The following RPH3A variants were observed in gnomAD, a reference collection of about 807,000 sequenced individuals.
RPH3A encodes the protein rabphilin 3A.
RPH3A carries 48 observed loss-of-function variants against 102.2 expected under a neutral mutation model. The ratio of observed to expected loss-of-function variants is 0.47; its 90% CI spans 0.37 to 0.60. The LOEUF is 0.60. Ranked by LOEUF, RPH3A falls within the 20% of genes least tolerant of loss-of-function variation. The pLI is 0.00. For synonymous variants in RPH3A, 310 were observed against 324.3 expected (o/e 0.96, Z 0.47); for missense variants, 781 against 910.1 (o/e 0.86, Z 1.83).
intron 2 of RPH3A, among the ~76,000 whole-genome samples, chr12:112,824,846 C>T (rs1283589175): frequency 2.0e-5 from 3 of 152,072 alleles, no homozygotes; most frequent in Admixed American, 6.5e-5. Flanking sequence ...AAGGAGAGTG[C>T]GAGCAGGCCA....
chr12:112,613,753 G>A (rs2039656634), intron 1 of RPH3A, among the ~76,000 whole-genome samples: 1 of 152,188 alleles, frequency 6.6e-6, no homozygotes, highest in South Asian at 2.1e-4. Flanking sequence ...TTCAAGACCA[G>A]GCTGGACAAC....
At chr12:112,791,556 C>A (rs949020780), upstream of RPH3A, 1 of 151,974 alleles carries the variant, frequency 6.6e-6, no homozygotes, top group African/African-American at 2.4e-5. Flanking sequence ...TTAGCGCTGT[C>A]CGTGGTGCTG....
chr12:112,713,102 T>TC (rs575141531), intron 1 of RPH3A, among the ~76,000 whole-genome samples: 40 of 135,596 alleles, frequency 2.9e-4, no homozygotes, highest in East Asian at 1.4e-3. Flanking sequence ...TTCTTCTTCT[T>TC]TTATTTTTTT....
At chr12:112,661,930 CAGCT>C (rs2040051538) in intron 1 of RPH3A, among the ~76,000 whole-genome samples, 1 of 152,126 alleles carries the variant, frequency 6.6e-6, no homozygotes, top group African/African-American at 2.4e-5. Flanking sequence ...ACCTGAGGTG[CAGCT>C]GTACACCTGA....
At chr12:112,723,827 G>C (rs1396980261) in intron 1 of RPH3A, among the ~76,000 whole-genome samples, 5 of 152,304 alleles carry the variant, frequency 3.3e-5, no homozygotes, top group African/African-American at 9.6e-5. Flanking sequence ...ATGGACGACA[G>C]TTAATGTTAT....
chr12:112,808,056 T>C (rs1049273516), intron 2 of RPH3A, among the ~76,000 whole-genome samples: 5 of 152,130 alleles, frequency 3.3e-5, no homozygotes, highest in Non-Finnish European at 7.4e-5. Flanking sequence ...GTTGGATAAA[T>C]AAACACTAAC....
At chr12:112,661,144 G>A (rs982258936) in intron 1 of RPH3A, among the ~76,000 whole-genome samples, 14 of 152,088 alleles carry the variant, frequency 9.2e-5, no homozygotes, top group African/African-American at 3.1e-4. Flanking sequence ...ATACACTCTC[G>A]GGTCCCTGAG....
At chr12:112,703,374 A>G (rs1178577600) in intron 1 of RPH3A, among the ~76,000 whole-genome samples, 1 of 152,230 alleles carries the variant, frequency 6.6e-6, no homozygotes, top group African/African-American at 2.4e-5. Flanking sequence ...GAGCATTGTA[A>G]AATAGACTTT....
At chr12:112,758,381 C>T (rs1281991522) in intron 1 of RPH3A, among the ~76,000 whole-genome samples, 1 of 152,172 alleles carries the variant, frequency 6.6e-6, no homozygotes. Flanking sequence ...TTCTAGAGAA[C>T]CTCTGTTAAG....
chr12:112,829,273 T>C (rs926491882), intron 3 of RPH3A, among the ~76,000 whole-genome samples: 4 of 152,082 alleles, frequency 2.6e-5, no homozygotes, highest in African/African-American at 9.7e-5. Flanking sequence ...AAGGCTTTTT[T>C]TTTTTCTTTT....
chr12:112,699,431 G>A (rs2040375979), intron 1 of RPH3A, among the ~76,000 whole-genome samples: 1 of 152,190 alleles, frequency 6.6e-6, no homozygotes, highest in South Asian at 2.1e-4. Context: ...ATTCATCCAT[G>A]GGAATGCTAC....
At chr12:112,595,143 G>A (rs1027935717) in intron 1 of RPH3A, among the ~76,000 whole-genome samples, 5 of 125,848 alleles carry the variant, frequency 4.0e-5, no homozygotes, top group African/African-American at 6.9e-5. Flanking sequence ...TTTCTCACCT[G>A]TAAAATAAGG....
intron 1 of RPH3A, among the ~76,000 whole-genome samples, chr12:112,667,974 A>G (rs1369623520): frequency 6.6e-6 from 1 of 152,206 alleles, no homozygotes; most frequent in Non-Finnish European, 1.5e-5. Flanking sequence ...AGTTAAGCCC[A>G]CTATGTTCTT....
intron 1 of RPH3A, among the ~76,000 whole-genome samples, chr12:112,636,356 C>A (rs948759349): frequency 6.6e-6 from 1 of 152,224 alleles, no homozygotes. Flanking sequence ...GGAGGGCTAA[C>A]AATGCAATGT....
rs1482387251 is a variant in RPH3A at position 112,686,404 on chromosome 12, G to A, written c.-139-105739G>A. Among the ~76,000 whole-genome samples the A allele has an allele frequency of 2.0e-5, 3 of 152,136 alleles. No homozygotes were observed. The East Asian group carries it at 5.8e-4, about 29-fold the overall frequency. ...GTCTATTTATTCATTTATTTATTCA[G>A]TCAGGGTCATCCATGTGGCTTGCTT... On this transcript the variant is annotated intron_variant, in intron 1 of 21. Transcript: ENST00000543106.
chr12:112,744,617 C>A (rs970478162), intron 1 of RPH3A, among the ~76,000 whole-genome samples: 1 of 152,080 alleles, frequency 6.6e-6, no homozygotes, highest in African/African-American at 2.4e-5. Context: ...TCAGGCCTTG[C>A]AGGGGGTCAT....
chr12:112,712,985 TCG>T lies in RPH3A; in HGVS notation c.-139-79157_-139-79156del, dbSNP rs1420966119. On this transcript the variant is annotated intron_variant, in intron 1 of 21. Transcript: ENST00000543106. ...CTTCTTTCTTCTTCTTTCTTCTTCGTCGTCTTTGTCTTCCTCTTCCTCTTCCT... is the reference window on the plus strand; with the variant it reads ...CTTCTTTCTTCTTCTTTCTTCTTCGTTCTTTGTCTTCCTCTTCCTCTTCCT... 1.4e-4 allele frequency among the ~76,000 whole-genome samples: 16 copies of T among 112,376 alleles called. 1 individual carries two copies. Among genetic ancestry groups the T allele is most frequent in the East Asian group, 1.1e-3 (4 of 3,620 alleles). The allele number at this position is 112,376 out of a possible 152,430, so 73.7% of individuals were successfully genotyped here.
In RPH3A at chr12:112,577,271, G is replaced by C. The variant is rs556964435; in HGVS notation, c.-140+1952G>C. 2.0e-5 allele frequency among the ~76,000 whole-genome samples: 3 copies of C among 152,300 alleles called. No individual in the cohort carries two copies. In the South Asian group the frequency reaches 6.2e-4, roughly 32 times the overall value. On this transcript the variant is annotated intron_variant, in intron 1 of 21. Transcript: ENST00000543106. ...ACTTCTTGGTTATATGGTAAACAAG[G>C]GGCAGATTATTCATGAATTTTCTAT...
At chr12:112,696,350 A>C (rs1023689363) in intron 1 of RPH3A, among the ~76,000 whole-genome samples, 1 of 152,226 alleles carries the variant, frequency 6.6e-6, no homozygotes, top group Admixed American at 6.5e-5. Flanking sequence ...GTAGATACTC[A>C]GTAGTGAGAT....
Sources: gnomAD v4.1 joint callset for allele counts (sites outside exome capture counted in the v4.1 genomes callset) on GRCh38, gnomAD v4.1.1 for gene constraint, MANE v1.5 for transcripts, NCBI Gene and HGNC (gene_info 2026-07-23, HGNC 2026-07-21) for gene names.